Variants in TRAK2 observed in about 807,000 individuals in gnomAD.
TRAK2 encodes trafficking kinesin-binding protein 2.
In TRAK2, 81 loss-of-function variants were observed where a neutral mutation model predicts 104.6. That is an observed-to-expected ratio of 0.77 (90% CI 0.65 to 0.93). TRAK2 has a LOEUF of 0.93. TRAK2 is among the 40% of genes least tolerant of loss of function. The pLI, the probability that TRAK2 is intolerant of heterozygous loss-of-function variation, is 0.00. For missense variants in TRAK2, 1,002 were observed against 1,089.0 expected (o/e 0.92, Z 1.12); for synonymous variants, 406 against 394.4 (o/e 1.03, Z -0.35).
At chr2:201,424,612 T>G (rs553149707) in intron 1 of TRAK2, among the ~76,000 whole-genome samples, 5 of 151,940 alleles carry the variant, frequency 3.3e-5, no homozygotes, top group African/African-American at 9.6e-5. Flanking sequence ...TTGTTTTTTT[T>G]TTGTTTTTGA....
At chr2:201,433,192 G>A (rs1405972722) in intron 1 of TRAK2, among the ~76,000 whole-genome samples, 6 of 152,126 alleles carry the variant, frequency 3.9e-5, no homozygotes, top group Non-Finnish European at 7.4e-5. Context: ...AAAAAAAGGC[G>A]GGAGGAGCAT....
In TRAK2 at chr2:201,389,502, C is replaced by A. The variant is rs759709039; in HGVS notation, c.1195G>T (p.Ala399Ser). The stretch of plus-strand genomic sequence containing the variant: ...GTATCAAATACCCGCTTCTGTTGGG[C>A]TCTGTCAAAAAAGGAAGTGTTCGTT... ...DEESSLFKQK[A>S]QQKRVFDTVR... The change falls in exon 12 of 16, where the codon GCC (alanine) becomes TCC (serine). Residue 399 changes from alanine to serine, a missense_variant and splice_region_variant. Ala to Ser is a moderately conservative substitution (Grantham distance 99). Coordinates refer to ENST00000332624, the MANE Select transcript of TRAK2 (RefSeq NM_015049.3). The A allele has an allele frequency of 6.2e-7, 1 of 1,613,642 alleles. No individual in the cohort carries two copies. Among genetic ancestry groups the A allele is most frequent in the Admixed American group, 1.7e-5 (1 of 59,972 alleles).
chr2:201,401,206 T>C, intron 3 of TRAK2, 112 bp from the exon 4 acceptor site: 1 of 604,006 alleles, frequency 1.7e-6, no homozygotes, highest in South Asian at 2.9e-5. Flanking sequence ...TTACAAAAAG[T>C]CATTCAGGAG....
Position 201,420,421 on chromosome 2 carries a change from G to A in TRAK2, c.87C>T (p.Ile29=). The change falls in exon 2 of 16, where the codon ATC becomes ATT. Residue 29 remains isoleucine, a synonymous_variant. Coordinates refer to ENST00000332624, the MANE Select transcript of TRAK2 (RefSeq NM_015049.3). The part of the protein sequence containing the change: ...MNSNHRDSES[I]TDVCSNEDLP... ...TATTTATTAAACTGGACTTACCAGTGATGCTCTCCGAGTCTCTGTGATTGC... is the reference window on the plus strand; with the variant it reads ...TATTTATTAAACTGGACTTACCAGTAATGCTCTCCGAGTCTCTGTGATTGC... 1 of 1,613,556 alleles carries A rather than the reference G, an allele frequency of 6.2e-7. No homozygotes were observed. Among genetic ancestry groups the A allele is most frequent in the Non-Finnish European group, 8.5e-7 (1 of 1,179,610 alleles).
At chr2:201,413,422 C>A in intron 2 of TRAK2, 1 of 470,022 alleles carries the variant, frequency 2.1e-6, no homozygotes, top group Non-Finnish European at 3.7e-6. Context: ...TCTGCCTTCA[C>A]ACGTGGCAGC....
intron 1 of TRAK2, among the ~76,000 whole-genome samples, chr2:201,422,806 G>C (rs1043548562): frequency 2.0e-5 from 3 of 152,118 alleles, no homozygotes; most frequent in African/African-American, 7.2e-5. Flanking sequence ...GTGGAGTTTA[G>C]TGAGTACAGA....
chr2:201,450,721 A>G (rs1952023454), intron 1 of TRAK2, among the ~76,000 whole-genome samples: 1 of 150,424 alleles, frequency 6.6e-6, no homozygotes, highest in South Asian at 2.1e-4. Flanking sequence ...TAGAAACAGC[A>G]GGTCTAAGCA....
chr2:201,413,306 C>A (rs1479859982), intron 2 of TRAK2: 2 of 1,237,282 alleles, frequency 1.6e-6, no homozygotes, highest in Non-Finnish European at 2.3e-6. Flanking sequence ...ACATGGACTC[C>A]ATGGCTGCAA....
intron 1 of TRAK2, among the ~76,000 whole-genome samples, chr2:201,448,073 A>G (rs1369851446): frequency 6.6e-6 from 1 of 152,272 alleles, no homozygotes; most frequent in Admixed American, 6.5e-5. Flanking sequence ...AAAGAACAGG[A>G]ACCTTGAAGT....
At chr2:201,424,992 CAT>C (rs1257688755) in intron 1 of TRAK2, among the ~76,000 whole-genome samples, 4 of 152,172 alleles carry the variant, frequency 2.6e-5, no homozygotes, top group African/African-American at 7.2e-5. Flanking sequence ...TATTATGTAA[CAT>C]GTGACAATTA....
chr2:201,443,535 C>T (rs1053779679), intron 1 of TRAK2, among the ~76,000 whole-genome samples: 11 of 152,174 alleles, frequency 7.2e-5, no homozygotes. Flanking sequence ...CAACCAACCA[C>T]TACCACAGAT....
chr2:201,414,040 A>G (rs143501319), intron 2 of TRAK2, among the ~76,000 whole-genome samples: 14 of 152,314 alleles, frequency 9.2e-5, no homozygotes, highest in Middle Eastern at 3.4e-3. Context: ...AAGATCATTT[A>G]TCACACACAA....
At chr2:201,404,786 T>C (rs1951579243) in intron 3 of TRAK2, among the ~76,000 whole-genome samples, 2 of 152,120 alleles carry the variant, frequency 1.3e-5, no homozygotes, top group South Asian at 4.1e-4. Flanking sequence ...AACAACAAAA[T>C]AGAAATGAAA....
In TRAK2 at chr2:201,393,021, A is replaced by G. The variant is rs748427384; in HGVS notation, c.1001T>C (p.Met334Thr). The G allele has an allele frequency of 6.2e-7, 1 of 1,613,046 alleles. No homozygotes were observed. The highest frequency in any genetic ancestry group is 2.2e-5 in the East Asian group (1 of 44,836). ...MELHELQDRN[M>T]ECLGMLHESQ... ...TTCATGTAACATTCCTAGACACTCC[A>G]TATTCCTGTCTTGTAACTCGTGCAG... is the stretch of plus-strand genomic sequence containing the variant. Residue 334 changes from methionine (M) to threonine (T), a missense_variant, in exon 10 of 16, where the codon ATG becomes ACG. Met to Thr is a moderately conservative substitution (Grantham distance 81). Transcript: ENST00000332624.
At chr2:201,416,226 T>TA (rs11398184) in intron 2 of TRAK2, among the ~76,000 whole-genome samples, 82,688 of 90,878 alleles carry the variant, frequency 0.91, 38,030 homozygotes, top group East Asian at 0.99. Flanking sequence ...GACTCTACAT[T>TA]AAAAAAAAAA....
intron 1 of TRAK2, among the ~76,000 whole-genome samples, chr2:201,449,150 A>AAT (rs1951989331): frequency 6.6e-6 from 1 of 152,198 alleles, no homozygotes; most frequent in Non-Finnish European, 1.5e-5. Context: ...AGGCAGAGAG[A>AAT]ATCAGTTTGT....
intron 3 of TRAK2, among the ~76,000 whole-genome samples, 173 bp downstream of exon 3, chr2:201,407,230 C>CT (rs1248554884): frequency 6.6e-6 from 1 of 152,170 alleles, no homozygotes; most frequent in Non-Finnish European, 1.5e-5. Context: ...GGATGACAAA[C>CT]TTTCTGCATT....
rs577505714 is a variant in TRAK2, at chr2:201,450,993, C to T, written c.-200+357G>A. Among the ~76,000 whole-genome samples, 3 of 152,250 alleles carry T rather than the reference C, an allele frequency of 2.0e-5. No homozygotes were observed. In the South Asian group the frequency reaches 6.2e-4, roughly 32 times the overall value. On this transcript the variant is annotated intron_variant, in intron 1 of 15. Coordinates refer to ENST00000332624, the MANE Select transcript of TRAK2 (RefSeq NM_015049.3). ...CTCCTCCCACTTACATCACAGATGG[C>T]GACTGAAGCTTAAGGTTTAATGCCC...
chr2:201,389,530 T>C, intron 11 of TRAK2, 27 bp from the exon 12 acceptor site: 1 of 1,602,784 alleles, frequency 6.2e-7, no homozygotes, highest in Non-Finnish European at 8.5e-7. Context: ...TGTTCGTTAT[T>C]ATCACTGCTA....
Sources: gnomAD v4.1 joint callset for allele counts (sites outside exome capture counted in the v4.1 genomes callset) on GRCh38, gnomAD v4.1.1 for gene constraint, MANE v1.5 for transcripts, NCBI Gene and HGNC (gene_info 2026-07-23, HGNC 2026-07-21) for gene names.